Variants in EPB41L2 observed in about 807,000 individuals in gnomAD.
EPB41L2 encodes the protein band 4.1-like protein 2.
A neutral mutation model predicts 113.0 loss-of-function variants in EPB41L2; 43 were observed. The ratio of observed to expected loss-of-function variants is 0.38; its 90% CI spans 0.30 to 0.49. EPB41L2 has a LOEUF of 0.49. EPB41L2 is among the 20% of genes least tolerant of loss of function. The pLI, the probability that EPB41L2 is intolerant of heterozygous loss-of-function variation, is 0.95. For missense variants in EPB41L2, 1,147 were observed against 1,223.4 expected (o/e 0.94, Z 0.93); for synonymous variants, 442 against 436.7 (o/e 1.01, Z -0.15).
At chr6:131,057,841 G>C (rs1160480977) in intron 1 of EPB41L2, among the ~76,000 whole-genome samples, 1 of 152,196 alleles carries the variant, frequency 6.6e-6, no homozygotes, top group Non-Finnish European at 1.5e-5. Flanking sequence ...ACCTGACCTA[G>C]GCAATAAGGT....
chr6:131,050,136 T>G (rs1796241888), intron 1 of EPB41L2, among the ~76,000 whole-genome samples: 1 of 152,134 alleles, frequency 6.6e-6, no homozygotes, highest in African/African-American at 2.4e-5. Flanking sequence ...GTCAGGAGTT[T>G]GAGACCAGCC....
chr6:131,026,651 C>T (rs891594259), intron 1 of EPB41L2, among the ~76,000 whole-genome samples: 20 of 152,164 alleles, frequency 1.3e-4, no homozygotes, highest in African/African-American at 4.8e-4. Context: ...CTGGTATACA[C>T]CACCAGTTTA....
At chr6:131,015,120 G>A (rs9492782) in intron 1 of EPB41L2, among the ~76,000 whole-genome samples, 29,179 of 152,092 alleles carry the variant, frequency 0.19, 2,930 homozygotes, top group African/African-American at 0.24. Flanking sequence ...TGGTAAACCA[G>A]GCTATCTTTC....
chr6:130,880,178 T>C lies in EPB41L2; in HGVS notation c.1862A>G (p.Asn621Ser). The change falls in exon 13 of 20, where the codon AAT becomes AGT. Residue 621 changes from asparagine to serine, a missense_variant. Transcript: ENST00000337057. ...KKNSLRVEGD[N>S]IYVRHSNLML... ...TAAATTGCTATGTCTGACATAAATA[T>C]TATCCCCTTCTACTCTCAAGGAATT... The C allele has an allele frequency of 6.2e-7, 1 of 1,610,334 alleles. No individual in the cohort carries two copies. The highest frequency in any genetic ancestry group is 8.5e-7 in the Non-Finnish European group (1 of 1,176,676).
chr6:130,900,882 C>T (rs1583242832), intron 7 of EPB41L2, 80 bp downstream of exon 7: 1 of 1,504,354 alleles, frequency 6.6e-7, no homozygotes, highest in Non-Finnish European at 9.1e-7. Context: ...GTAAATCATG[C>T]TCAAATGTCT....
chr6:130,954,303 T>C (rs1247565320), intron 3 of EPB41L2, among the ~76,000 whole-genome samples: 1 of 152,102 alleles, frequency 6.6e-6, no homozygotes, highest in African/African-American at 2.4e-5. Flanking sequence ...TCCGCCCGCC[T>C]TGGCCTCCCA....
At chr6:130,918,117 C>A (rs1052323580) in intron 4 of EPB41L2, among the ~76,000 whole-genome samples, 1 of 152,162 alleles carries the variant, frequency 6.6e-6, no homozygotes, top group Non-Finnish European at 1.5e-5. Context: ...ATTCACTACA[C>A]ATCTGGGAGA....
chr6:130,886,891 C>T (rs1411409418), intron 11 of EPB41L2, among the ~76,000 whole-genome samples: 3 of 152,072 alleles, frequency 2.0e-5, no homozygotes, highest in African/African-American at 7.2e-5. Context: ...CCTTGGCCTC[C>T]TAAAGTGCTG....
At chr6:130,986,754 G>A (rs1024241324) in intron 1 of EPB41L2, among the ~76,000 whole-genome samples, 3 of 151,942 alleles carry the variant, frequency 2.0e-5, no homozygotes, top group African/African-American at 7.3e-5. Flanking sequence ...CCCGGCTCAT[G>A]TTCTGAGATA....
intron 1 of EPB41L2, among the ~76,000 whole-genome samples, chr6:130,982,238 C>T (rs1161767842): frequency 6.6e-6 from 1 of 152,104 alleles, no homozygotes. Context: ...TCTATAGCAA[C>T]ACCAACAAAT....
chr6:130,860,864 G>T (rs957137121), intron 18 of EPB41L2, among the ~76,000 whole-genome samples: 11 of 151,976 alleles, frequency 7.2e-5, no homozygotes. Flanking sequence ...TTATTTCTTA[G>T]AAAGAAATAC....
At chr6:130,942,102 C>A (rs1450129865) in intron 3 of EPB41L2, among the ~76,000 whole-genome samples, 3 of 152,162 alleles carry the variant, frequency 2.0e-5, no homozygotes, top group African/African-American at 7.2e-5. Context: ...TCCCTTTAAG[C>A]TCCAAATGCT....
intron 1 of EPB41L2, among the ~76,000 whole-genome samples, chr6:130,971,625 T>G (rs1317617730): frequency 6.6e-6 from 1 of 151,906 alleles, no homozygotes; most frequent in African/African-American, 2.4e-5. Flanking sequence ...GAGCAGAGAG[T>G]GTGATTATTT....
chr6:130,901,213 G>C (rs764677199), intron 6 of EPB41L2, 33 bp from the exon 7 acceptor site: 4 of 1,587,020 alleles, frequency 2.5e-6, no homozygotes, highest in Admixed American at 1.7e-5. Context: ...TGGGTCAGGG[G>C]AGAACCATTA....
At chr6:131,049,263 AAGATGT>A (rs1796086286) in intron 1 of EPB41L2, among the ~76,000 whole-genome samples, 1 of 152,252 alleles carries the variant, frequency 6.6e-6, no homozygotes, top group African/African-American at 2.4e-5. Flanking sequence ...TAAGGAAATT[AAGATGT>A]AGGCTTTACT....
At chr6:131,019,251 G>A (rs1408781447) in intron 1 of EPB41L2, among the ~76,000 whole-genome samples, 1 of 152,128 alleles carries the variant, frequency 6.6e-6, no homozygotes, top group Non-Finnish European at 1.5e-5. Context: ...CTAGGAAACA[G>A]AGTTTTGCAT....
chr6:130,980,254 G>A (rs374241095), intron 1 of EPB41L2, among the ~76,000 whole-genome samples: 16 of 152,218 alleles, frequency 1.1e-4, no homozygotes, highest in African/African-American at 3.9e-4. Context: ...GTTTAGCAAT[G>A]AAGAAAAGGC....
At chr6:131,018,699 C>G (rs73625103) in intron 1 of EPB41L2, among the ~76,000 whole-genome samples, 4,343 of 152,206 alleles carry the variant, frequency 0.029, 209 homozygotes, top group African/African-American at 0.096. Flanking sequence ...ATAAATACAT[C>G]TATAATGCAT....
At chr6:131,058,923 C>T (rs991877774) in intron 1 of EPB41L2, among the ~76,000 whole-genome samples, 1 of 151,940 alleles carries the variant, frequency 6.6e-6, no homozygotes, top group African/African-American at 2.4e-5. Context: ...GGCTGAAGCA[C>T]GAGAATTACT....
Sources: gnomAD v4.1 joint callset for allele counts (sites outside exome capture counted in the v4.1 genomes callset) on GRCh38, gnomAD v4.1.1 for gene constraint, MANE v1.5 for transcripts, NCBI Gene and HGNC (gene_info 2026-07-23, HGNC 2026-07-21) for gene names.